CARM1: variants seen among roughly 807,000 people sequenced by gnomAD.
The protein encoded by CARM1 is histone-arginine methyltransferase CARM1.
A neutral mutation model predicts 72.7 loss-of-function variants in CARM1; 14 were observed. The observed-to-expected ratio is 0.19, with a 90% CI of 0.13 to 0.30. The LOEUF is 0.30. CARM1 is among the 10% of genes least tolerant of loss of function. The probability of loss-of-function intolerance (pLI) is 1.00; values close to 1 mark genes in which losing one functional copy is unlikely to be tolerated. For missense variants in CARM1, 432 were observed against 833.7 expected, an observed-to-expected ratio of 0.52 and a Z score of 5.93; for synonymous variants, 333 against 345.5, an observed-to-expected ratio of 0.96 and a Z score of 0.40.
At chr19:10,879,164 G>A (rs1376143421) in intron 1 of CARM1, among the ~76,000 whole-genome samples, 1 of 152,218 alleles carries the variant, frequency 6.6e-6, no homozygotes, top group African/African-American at 2.4e-5. Flanking sequence ...CTGGAGTCCC[G>A]CCATTACACC....
At chr19:10,875,276 C>T (rs1163123192) in intron 1 of CARM1, among the ~76,000 whole-genome samples, 2 of 151,992 alleles carry the variant, frequency 1.3e-5, no homozygotes, top group Non-Finnish European at 2.9e-5. Context: ...TTTGCAGCAG[C>T]GAAACCCAAG....
intron 1 of CARM1, among the ~76,000 whole-genome samples, chr19:10,878,127 G>A (rs1170820471): frequency 2.6e-5 from 4 of 152,114 alleles, no homozygotes; most frequent in East Asian, 1.9e-4. Flanking sequence ...TTATAGTCAC[G>A]AACCGCTGGG....
At position 10,884,760 on chromosome 19, in the gene CARM1, A is replaced by G. The variant is rs573298190; in HGVS notation, c.220+12838A>G. 3.7e-4 allele frequency among the ~76,000 whole-genome samples: 56 copies of G among 152,198 alleles called. 1 individual carries two copies. In the South Asian group the frequency reaches 0.011, roughly 30 times the overall value. ...TGCTCTGTCCCCCAGGCTGGAGTGCAGTAGCGTGATCTCAGCTCACTGCAA... is the reference window on the plus strand; with the variant it reads ...TGCTCTGTCCCCCAGGCTGGAGTGCGGTAGCGTGATCTCAGCTCACTGCAA... On this transcript the variant is annotated intron_variant, in intron 1 of 15. Coordinates refer to ENST00000327064, the MANE Select transcript of CARM1 (RefSeq NM_199141.2).
At chr19:10,910,897 G>T (rs1489969648) in intron 4 of CARM1, among the ~76,000 whole-genome samples, 2 of 151,176 alleles carry the variant, frequency 1.3e-5, no homozygotes, top group African/African-American at 4.9e-5. Context: ...TTCTGTTTTT[G>T]GGGGGTTTTT....
Position 10,871,754 on chromosome 19 carries a change from G to A in CARM1, c.52G>A (p.Ala18Thr), listed in dbSNP as rs2073819918. ...GCCGGGCGCGGGCGGCGCGGGGTCGGCGGTCCCGGGCGGCGCGGGGCCCTG... is the reference window on the plus strand; with the variant it reads ...GCCGGGCGCGGGCGGCGCGGGGTCGACGGTCCCGGGCGGCGCGGGGCCCTG... ...VGPGAGGAGS[A>T]VPGGAGPCAT... is the part of the protein sequence containing the mutation. The change falls in exon 1 of 16, where the codon GCG becomes ACG. Residue 18 changes from alanine (A) to threonine (T), a missense_variant. This residue lies in a region of CARM1 where 138 missense variants were observed against 192.3 expected (regional missense o/e 0.72). Transcript: ENST00000327064. The surrounding 1 kb of genome is among the most constrained non-coding windows in gnomAD (Gnocchi z 5.6). The A allele has an allele frequency of 9.2e-7, 1 of 1,090,750 alleles. No individual in the cohort carries two copies. Among genetic ancestry groups the A allele is most frequent in the Non-Finnish European group, 1.1e-6 (1 of 898,014 alleles). The allele number at this position is 1,090,750 out of a possible 1,614,324, so 67.6% of individuals were successfully genotyped here.
intron 1 of CARM1, among the ~76,000 whole-genome samples, chr19:10,888,949 C>T (rs966951953): frequency 4.6e-5 from 7 of 152,190 alleles, no homozygotes; most frequent in African/African-American, 1.7e-4. Context: ...GGGAAGCTGT[C>T]GACCCTTGAA....
At position 10,920,840 on chromosome 19, in the gene CARM1, G is replaced by A. The variant is rs779906082; in HGVS notation, c.1431G>A (p.Thr477=). ...GGCTCTGTCTCTGCCATAGATACAC[G>A]GGCACAACGCCCTCACCCCCACCCG... The part of the protein sequence containing the change: ...LDLKNPFFRY[T]GTTPSPPPGS... The change falls in exon 13 of 16, where the codon ACG becomes ACA. Residue 477 remains threonine (T), a synonymous_variant. Coordinates refer to ENST00000327064, the MANE Select transcript of CARM1 (RefSeq NM_199141.2). The surrounding 1 kb of genome is among the most constrained non-coding windows in gnomAD (Gnocchi z 5.3). The A allele has an allele frequency of 9.9e-6, 16 of 1,614,022 alleles. No homozygotes were observed. Among genetic ancestry groups the A allele is most frequent in the Non-Finnish European group, 1.3e-5 (15 of 1,180,000 alleles).
In CARM1 at chr19:10,901,948, C is replaced by T. The variant is rs1404598275; in HGVS notation, c.221-3003C>T. ...TGGGCAACAGATCAAGAATCTGTCT[C>T]AAGAAAATATATAGGCCGGGCACAG... is the stretch of plus-strand genomic sequence containing the variant. On this transcript the variant is annotated intron_variant, in intron 1 of 15. Coordinates refer to ENST00000327064, the MANE Select transcript of CARM1 (RefSeq NM_199141.2). Among the ~76,000 whole-genome samples the T allele has an allele frequency of 2.0e-5, 3 of 151,218 alleles. No homozygotes were observed. In the East Asian group the frequency reaches 6.0e-4, roughly 30 times the overall value.
intron 4 of CARM1, 79 bp downstream of exon 4, chr19:10,909,286 A>AT (rs911780824): frequency 1.1e-6 from 1 of 875,122 alleles, no homozygotes; most frequent in Non-Finnish European, 1.8e-6. Context: ...TTTATCTTTA[A>AT]TTTTCTCAGA....
intron 1 of CARM1, among the ~76,000 whole-genome samples, chr19:10,886,236 A>G (rs2073941551): frequency 6.6e-6 from 1 of 151,494 alleles, no homozygotes; most frequent in African/African-American, 2.4e-5. Flanking sequence ...GTGTATTTTT[A>G]GTAGAGACGG....
intron 1 of CARM1, among the ~76,000 whole-genome samples, chr19:10,893,874 C>G (rs2074005717): frequency 6.6e-6 from 1 of 152,204 alleles, no homozygotes; most frequent in Non-Finnish European, 1.5e-5. Context: ...GGCTGGAGAA[C>G]AGTGGGTTCG....
chr19:10,901,674 G>A (rs1446302511), intron 1 of CARM1, among the ~76,000 whole-genome samples: 1 of 152,102 alleles, frequency 6.6e-6, no homozygotes, highest in Admixed American at 6.5e-5. Flanking sequence ...CAGCCCAGTG[G>A]CTCATGCCTG....
Position 10,920,697 on chromosome 19 carries a change from A to G in CARM1, c.1373A>G (p.Gln458Arg). ...ATCAGTATTGTGGCCCAGGTGGACC[A>G]GACCGGCTCCAAGTCCAGTAACCTC... ...YDISIVAQVD[Q>R]TGSKSSNLLD... The change falls in exon 12 of 16, where the codon CAG (glutamine) becomes CGG (arginine). Residue 458 changes from glutamine (Q) to arginine (R), a missense_variant. By Grantham distance (43) the Gln-to-Arg change is conservative. Around this residue, in one of 3 missense-constraint regions of CARM1, gnomAD observed 152 missense variants for 452.8 expected, o/e 0.34. Coordinates refer to ENST00000327064, the MANE Select transcript of CARM1 (RefSeq NM_199141.2). This position sits in a 1 kb window ranked among gnomAD's most constrained non-coding sequence, Gnocchi z 5.3. 1 of 1,614,176 alleles carries G rather than the reference A, an allele frequency of 6.2e-7. No homozygotes were observed. The highest frequency in any genetic ancestry group is 8.5e-7 in the Non-Finnish European group (1 of 1,180,020).
rs146765065 is a variant in CARM1, at chr19:10,905,506, A to G, written c.346+430A>G. 1.4e-3 allele frequency among the ~76,000 whole-genome samples: 207 copies of G among 152,344 alleles called. 2 individuals carry two copies. The highest frequency in any genetic ancestry group is 4.7e-3 in the African/African-American group (194 of 41,586). On this transcript the variant is annotated intron_variant, in intron 2 of 15. Transcript: ENST00000327064. ...ACCCACCTTGGGGGCACAGGTGGAC[A>G]CAAGATTCCTGACTAGGGGTGGGAG...
At chr19:10,897,058 A>T (rs994622203) in intron 1 of CARM1, among the ~76,000 whole-genome samples, 1 of 152,226 alleles carries the variant, frequency 6.6e-6, no homozygotes, top group East Asian at 1.9e-4. Context: ...CAGATTCCCC[A>T]GGAAGCACAC....
chr19:10,890,393 A>G (rs991431566), intron 1 of CARM1, among the ~76,000 whole-genome samples: 1 of 146,768 alleles, frequency 6.8e-6, no homozygotes, highest in African/African-American at 2.5e-5. Context: ...TTAGCCTCCC[A>G]AGTAGCTGGG....
Position 10,916,402 on chromosome 19 carries a change from C to T in CARM1, c.848-5C>T, listed in dbSNP as rs1440606164. 1.9e-6 allele frequency: 3 copies of T among 1,606,304 alleles called. No homozygotes were observed. The highest frequency in any genetic ancestry group is 1.7e-6 in the Non-Finnish European group (2 of 1,173,198). On this transcript the variant is annotated splice_region_variant and splice_polypyrimidine_tract_variant and intron_variant, in intron 6 of 15. Coordinates refer to ENST00000327064, the MANE Select transcript of CARM1 (RefSeq NM_199141.2). This position sits in a 1 kb window ranked among gnomAD's most constrained non-coding sequence, Gnocchi z 4.4. ...CGCCAGCACCCCTCCCTGCCCCACT[C>T]CCAGGAAACATGTTTCCTACCATTG...
In CARM1 at chr19:10,908,127, T is replaced by C; in HGVS notation, c.435T>C (p.Ser145=). 2 of 1,613,198 alleles carry C rather than the reference T, an allele frequency of 1.2e-6. No individual in the cohort carries two copies. The highest frequency in any genetic ancestry group is 1.7e-6 in the Non-Finnish European group (2 of 1,179,204). Residue 145 remains serine (S), a synonymous_variant, in exon 3 of 16, where the codon TCT becomes TCC. Transcript: ENST00000327064. The stretch of plus-strand genomic sequence containing the variant: ...TCAGCGAGCGGACGGAGGAGTCTTC[T>C]GCCGTGCAGTACTTCCAGGTGGGTT... ...SVFSERTEES[S]AVQYFQFYGY... is the part of the protein sequence containing the mutation.
At chr19:10,890,766 C>CAT (rs1454992500) in intron 1 of CARM1, among the ~76,000 whole-genome samples, 10 of 31,120 alleles carry the variant, frequency 3.2e-4, no homozygotes, top group Non-Finnish European at 8.5e-4. Context: ...CACACATATA[C>CAT]ACACACACAT....
Sources: gnomAD v4.1 joint callset for allele counts (sites outside exome capture counted in the v4.1 genomes callset) on GRCh38, gnomAD v4.1.1 for gene constraint, gnomAD v4.1.1 regional missense constraint, Gnocchi (gnomAD v3.1) non-coding constraint, MANE v1.5 for transcripts, NCBI Gene and HGNC (gene_info 2026-07-23, HGNC 2026-07-21) for gene names.